CEP290: variants seen among roughly 807,000 people sequenced by gnomAD.
CEP290 encodes the protein centrosomal protein 290, also known as centrosomal protein of 290 kDa.
Under a neutral mutation model 344.9 loss-of-function variants are expected in CEP290, and 317 were observed. The ratio of observed to expected loss-of-function variants is 0.92; its 90% CI spans 0.84 to 1.01. The LOEUF (loss-of-function observed/expected upper bound fraction) is 1.01, where lower values mean the gene tolerates loss of function less well. Ranked by LOEUF, CEP290 falls within the 50% of genes least tolerant of loss-of-function variation. CEP290 has a pLI of 0.00. For missense variants in CEP290, 2,754 were observed against 2,761.4 expected (o/e 1.00, Z 0.06); for synonymous variants, 932 against 895.8 (o/e 1.04, Z -0.72).
chr12:88,084,188 T>C (rs1183707549), intron 35 of CEP290, among the ~76,000 whole-genome samples: 1 of 152,148 alleles, frequency 6.6e-6, no homozygotes, highest in Non-Finnish European at 1.5e-5. Context: ...ATGACATGTA[T>C]CTATCATCTT....
At chr12:88,086,807 G>A (rs1444846941) in intron 32 of CEP290, among the ~76,000 whole-genome samples, 1 of 152,062 alleles carries the variant, frequency 6.6e-6, no homozygotes, top group Non-Finnish European at 1.5e-5. Flanking sequence ...ATACAAACAT[G>A]GCAGTAAACA....
chr12:88,076,004 C>G (rs2035745514), intron 41 of CEP290, among the ~76,000 whole-genome samples: 1 of 152,102 alleles, frequency 6.6e-6, no homozygotes, highest in African/African-American at 2.4e-5. Flanking sequence ...ATAGAAGAGT[C>G]CAGGCAAAGC....
rs747117356 is a variant in CEP290, at chr12:88,141,321, ACT to A, written c.-16_-15del. The A allele has an allele frequency of 4.5e-6, 7 of 1,555,560 alleles. No individual in the cohort carries two copies. Among genetic ancestry groups the A allele is most frequent in the African/African-American group, 2.7e-5 (2 of 73,524 alleles). On this transcript the variant is annotated 5_prime_UTR_variant, in exon 2 of 54. Coordinates refer to ENST00000552810, the MANE Select transcript of CEP290 (RefSeq NM_025114.4). Reference sequence around the variant, plus strand: ...ATTAGGTGGCATCTTGAATTCTTTCACTGTGCTCCACCTCTGTAACAAAACAG... The same window carrying A: ...ATTAGGTGGCATCTTGAATTCTTTCAGTGCTCCACCTCTGTAACAAAACAG...
intron 18 of CEP290, chr12:88,115,545 A>G: frequency 1.5e-6 from 2 of 1,292,190 alleles, no homozygotes; most frequent in Non-Finnish European, 2.0e-6. Context: ...TTCTTTGATC[A>G]AGAATTCCTG....
chr12:88,062,845 C>G (rs2034584036), intron 45 of CEP290, 67 bp from the exon 46 acceptor site: 1 of 987,614 alleles, frequency 1.0e-6, no homozygotes, highest in African/African-American at 1.6e-5. Context: ...AAAAGGCAAA[C>G]AATTCATAAG....
At chr12:88,134,544 G>A (rs988387576) in intron 6 of CEP290, among the ~76,000 whole-genome samples, 1 of 152,128 alleles carries the variant, frequency 6.6e-6, no homozygotes, top group Non-Finnish European at 1.5e-5. Flanking sequence ...TCTCTCCAGA[G>A]GATCATAAAA....
chr12:88,071,649 T>C (rs2035384211), intron 42 of CEP290, 132 bp downstream of exon 42: 2 of 853,220 alleles, frequency 2.3e-6, no homozygotes, highest in Admixed American at 3.5e-5. Flanking sequence ...AAAAAGTAAG[T>C]AAATCATAGA....
chr12:88,139,061 C>A, intron 5 of CEP290, 84 bp downstream of exon 5: 1 of 725,392 alleles, frequency 1.4e-6, no homozygotes, highest in Non-Finnish European at 2.3e-6. Flanking sequence ...ATAATTTTTC[C>A]AGCCAACAAT....
In CEP290 at chr12:88,083,854, G is replaced by A. The variant is rs369451049; in HGVS notation, c.4805C>T (p.Thr1602Met). ...ADSSLNKFKQ[T>M]AWDLMKQSPT... is the part of the protein sequence containing the mutation. Reference sequence around the variant, plus strand: ...AAGTTCTTAGAATCTTACCCAAGCCGTTTGTTTGAATTTATTTAGTGAACT... The same window carrying A: ...AAGTTCTTAGAATCTTACCCAAGCCATTTGTTTGAATTTATTTAGTGAACT... The change falls in exon 36 of 54, where the codon ACG becomes ATG. Residue 1602 changes from threonine (T) to methionine (M), a missense_variant. Physicochemically the swap from Thr to Met is moderately conservative, Grantham distance 81 (BLOSUM62 -1). Coordinates refer to ENST00000552810, the MANE Select transcript of CEP290 (RefSeq NM_025114.4). 277 of 1,566,132 alleles carry A rather than the reference G, an allele frequency of 1.8e-4. 1 individual carries two copies. The highest frequency in any genetic ancestry group is 1.4e-3 in the South Asian group (116 of 83,842).
At chr12:88,092,964 T>A in intron 28 of CEP290, 132 bp from the exon 29 acceptor site, 1 of 766,216 alleles carries the variant, frequency 1.3e-6, no homozygotes, top group Non-Finnish European at 2.1e-6. Flanking sequence ...TGTGAAGTGT[T>A]AAGAACAGAC....
At chr12:88,088,283 G>A (rs2036749366) in intron 31 of CEP290, among the ~76,000 whole-genome samples, 1 of 152,090 alleles carries the variant, frequency 6.6e-6, no homozygotes, top group African/African-American at 2.4e-5. Context: ...AATGTTTCTA[G>A]CCTAGAGAAC....
Position 88,055,697 on chromosome 12 carries a change from T to C in CEP290, c.6839A>G (p.Lys2280Arg), listed in dbSNP as rs2033943736. 3.3e-6 allele frequency: 5 copies of C among 1,531,758 alleles called. No individual in the cohort carries two copies. The highest frequency in any genetic ancestry group is 4.4e-6 in the Non-Finnish European group (5 of 1,135,278). 94.9% of individuals were successfully genotyped at this position (1,531,758 alleles called of 1,614,324 possible). Residue 2280 changes from lysine (K) to arginine (R), a missense_variant, in exon 50 of 54, where the codon AAA becomes AGA. By Grantham distance (26) the Lys-to-Arg change is conservative. Coordinates refer to ENST00000552810, the MANE Select transcript of CEP290 (RefSeq NM_025114.4). ...TTTGGCAATATCAGTTTCCAATTCT[T>C]TTAACTTGGTTTCATACATTCTAAA... Reference protein sequence around the residue: ...VVTRMYETKLKELETDIAKKN... With the variant: ...VVTRMYETKLRELETDIAKKN...
At chr12:88,092,577 G>C in intron 29 of CEP290, 104 bp downstream of exon 29, 1 of 894,488 alleles carries the variant, frequency 1.1e-6, no homozygotes, top group Non-Finnish European at 1.6e-6. Flanking sequence ...AAAGAAATCA[G>C]TATCAATTAC....
At chr12:88,093,193 A>T (rs1486018262) in intron 28 of CEP290, among the ~76,000 whole-genome samples, 1 of 152,148 alleles carries the variant, frequency 6.6e-6, no homozygotes, top group Non-Finnish European at 1.5e-5. Flanking sequence ...AATCTTACTC[A>T]TATAGATTTA....
At chr12:88,118,211 A>G (rs2039175833) in intron 17 of CEP290, among the ~76,000 whole-genome samples, 1 of 152,064 alleles carries the variant, frequency 6.6e-6, no homozygotes, top group Admixed American at 6.5e-5. Flanking sequence ...ACTATACTAT[A>G]AAACTTTTCA....
rs528809874 is a variant in CEP290 at position 88,056,987 on chromosome 12, A to ATGTCTTCT, written c.6819-1278_6819-1271dup. ...TCTACTTAGACTTATGTCTTCTGCA[A>ATGTCTTCT]TGTCTTCTGCAAATGATTTACTGAA... On this transcript the variant is annotated intron_variant, in intron 49 of 53. Transcript: ENST00000552810. Among the ~76,000 whole-genome samples, 36 of 152,142 alleles carry ATGTCTTCT rather than the reference A, an allele frequency of 2.4e-4. No homozygotes were observed. The East Asian group carries it at 5.8e-3, about 25-fold the overall frequency.
intron 52 of CEP290, among the ~76,000 whole-genome samples, chr12:88,052,998 A>G (rs1426984907): frequency 6.6e-6 from 1 of 152,162 alleles, no homozygotes; most frequent in Non-Finnish European, 1.5e-5. Flanking sequence ...AAACTTTCCA[A>G]GGCTCTGTGG....
chr12:88,111,432 C>G (rs1276085336), intron 21 of CEP290, 81 bp from the exon 22 acceptor site: 3 of 1,323,882 alleles, frequency 2.3e-6, no homozygotes, highest in East Asian at 5.6e-5. Context: ...GAATGCCCTG[C>G]CAGGAATTTT....
intron 19 of CEP290, among the ~76,000 whole-genome samples, chr12:88,114,808 TTTATA>T (rs759546898): frequency 6.6e-5 from 10 of 152,158 alleles, no homozygotes; most frequent in African/African-American, 9.6e-5. Flanking sequence ...TAAACTATGC[TTTATA>T]TTAAAGTATT....
Sources: gnomAD v4.1 joint callset for allele counts (sites outside exome capture counted in the v4.1 genomes callset) on GRCh38, gnomAD v4.1.1 for gene constraint, MANE v1.5 for transcripts, NCBI Gene and HGNC (gene_info 2026-07-23, HGNC 2026-07-21) for gene names.